The following CNTN4 variants were observed in gnomAD, a reference collection of about 807,000 sequenced individuals.
The protein encoded by CNTN4 is contactin 4, also known as contactin-4.
Under a neutral mutation model 122.5 loss-of-function variants are expected in CNTN4, and 77 were observed. The observed-to-expected ratio is 0.63, with a 90% confidence interval of 0.52 to 0.76. The LOEUF (loss-of-function observed/expected upper bound fraction) is 0.76. CNTN4 is among the 30% of genes least tolerant of loss of function. CNTN4 has a pLI of 0.00. For missense variants in CNTN4, 1,256 were observed against 1,259.1 expected, an observed-to-expected ratio of 1.00 and a Z score of 0.04; for synonymous variants, 512 against 447.0, an observed-to-expected ratio of 1.15 and a Z score of -1.83.
chr3:2,936,014 T>G (rs2094564725), intron 13 of CNTN4, among the ~76,000 whole-genome samples: 1 of 152,208 alleles, frequency 6.6e-6, no homozygotes. Context: ...GAGATAAAAC[T>G]GGGACATCTC....
At chr3:2,560,945 T>A (rs1223634289) in intron 3 of CNTN4, among the ~76,000 whole-genome samples, 1 of 152,218 alleles carries the variant, frequency 6.6e-6, no homozygotes, top group Non-Finnish European at 1.5e-5. Flanking sequence ...TGAAATCTTA[T>A]TTCTGCTTCT....
chr3:2,129,048 A>T (rs1270539287), intron 2 of CNTN4, among the ~76,000 whole-genome samples: 1 of 152,200 alleles, frequency 6.6e-6, no homozygotes, highest in African/African-American at 2.4e-5. Flanking sequence ...AATATTTGGG[A>T]AATGCTTCAT....
chr3:2,547,155 A>G (rs1215236513), intron 3 of CNTN4, among the ~76,000 whole-genome samples: 2 of 152,150 alleles, frequency 1.3e-5, no homozygotes, highest in Non-Finnish European at 2.9e-5. Flanking sequence ...AGCTGGAAGA[A>G]CATGGTATAG....
At chr3:2,706,692 A>T (rs915714168) in intron 4 of CNTN4, among the ~76,000 whole-genome samples, 3 of 152,160 alleles carry the variant, frequency 2.0e-5, no homozygotes, top group African/African-American at 7.2e-5. Context: ...GACTGGGTAG[A>T]TGGGTGCTAA....
intron 2 of CNTN4, among the ~76,000 whole-genome samples, chr3:2,128,282 A>G (rs1435679326): frequency 2.0e-5 from 3 of 152,228 alleles, no homozygotes; most frequent in Non-Finnish European, 4.4e-5. Flanking sequence ...AAACTGGCCA[A>G]AAGAAAACAC....
chr3:2,928,088 G>A (rs1351483121), intron 13 of CNTN4, among the ~76,000 whole-genome samples: 2 of 152,220 alleles, frequency 1.3e-5, no homozygotes, highest in Non-Finnish European at 2.9e-5. Flanking sequence ...CAGCCATATG[G>A]AGACACAGGT....
In CNTN4 at chr3:2,483,588, A is replaced by T. The variant is rs146728164; in HGVS notation, c.-88-87828A>T. 2.6e-5 allele frequency among the ~76,000 whole-genome samples: 4 copies of T among 152,184 alleles called. No homozygotes were observed. In the East Asian group the frequency reaches 7.8e-4, roughly 30 times the overall value. The stretch of plus-strand genomic sequence containing the variant: ...ATCCCATAATTCCCATGTGTTGTGG[A>T]AGGGACCCCTTGGGAGGTAATTGAT... On this transcript the variant is annotated intron_variant, in intron 3 of 24. Coordinates refer to ENST00000418658, the MANE Select transcript of CNTN4 (RefSeq NM_175607.3).
intron 3 of CNTN4, among the ~76,000 whole-genome samples, chr3:2,511,170 A>G (rs142422813): frequency 2.0e-3 from 307 of 152,320 alleles, no homozygotes; most frequent in African/African-American, 7.1e-3. Flanking sequence ...AACCCACCCT[A>G]TGTACCAAAC....
At chr3:2,661,809 CAAAAAAA>C (rs544079802) in intron 4 of CNTN4, among the ~76,000 whole-genome samples, 16 of 78,478 alleles carry the variant, frequency 2.0e-4, no homozygotes, top group East Asian at 4.1e-4. Flanking sequence ...AATTCCATCT[CAAAAAAA>C]AAAAAAAAAA....
chr3:2,602,374 T>C (rs1245828880), intron 4 of CNTN4, among the ~76,000 whole-genome samples: 2 of 152,218 alleles, frequency 1.3e-5, no homozygotes, highest in Non-Finnish European at 2.9e-5. Context: ...CTCTTTAAGC[T>C]GATGAAGAAC....
At chr3:2,764,038 T>C (rs966182227) in intron 6 of CNTN4, among the ~76,000 whole-genome samples, 2 of 151,788 alleles carry the variant, frequency 1.3e-5, no homozygotes, top group Non-Finnish European at 2.9e-5. Context: ...AGTGGAGGGA[T>C]ACAAAAAAAA....
In CNTN4 at chr3:2,492,705, A is replaced by G. The variant is rs867401743; in HGVS notation, c.-88-78711A>G. On this transcript the variant is annotated intron_variant, in intron 3 of 24. Transcript: ENST00000418658. ...TTTTTATTTAATCTATTTTTATGAC[A>G]CTTTGGATCCTTCTGTTTAAGAGAC... Among the ~76,000 whole-genome samples, 4 of 152,104 alleles carry G rather than the reference A, an allele frequency of 2.6e-5. No homozygotes were observed. In the South Asian group the frequency reaches 8.3e-4, roughly 31 times the overall value.
At chr3:2,900,915 T>G (rs2094165934) in intron 11 of CNTN4, 94 bp downstream of exon 11, 13 of 1,455,348 alleles carry the variant, frequency 8.9e-6, no homozygotes, top group Non-Finnish European at 1.3e-5. Flanking sequence ...GAATTGTTTC[T>G]AAAATAATAT....
At chr3:2,807,665 A>C (rs1249213057) in intron 6 of CNTN4, among the ~76,000 whole-genome samples, 1 of 152,208 alleles carries the variant, frequency 6.6e-6, no homozygotes, top group Non-Finnish European at 1.5e-5. Flanking sequence ...GATGCAAAGC[A>C]TGTCCAGTTT....
chr3:2,951,068 C>G (rs1417965882), intron 13 of CNTN4, among the ~76,000 whole-genome samples: 1 of 152,164 alleles, frequency 6.6e-6, no homozygotes, highest in East Asian at 1.9e-4. Flanking sequence ...TGGTAACCAT[C>G]TTAGAAAGGG....
intron 24 of CNTN4, among the ~76,000 whole-genome samples, chr3:3,054,482 T>A (rs1365367740): frequency 1.3e-5 from 2 of 152,254 alleles, no homozygotes; most frequent in African/African-American, 4.8e-5. Flanking sequence ...CAAGATTATC[T>A]TCACTTTCAA....
At position 3,043,146 on chromosome 3, in the gene CNTN4, T is replaced by C. The variant is rs767709540; in HGVS notation, c.2681T>C (p.Val894Ala). The C allele has an allele frequency of 1.9e-6, 3 of 1,614,156 alleles. No individual in the cohort carries two copies. The highest frequency in any genetic ancestry group is 1.7e-6 in the Non-Finnish European group (2 of 1,180,030). ...GTGPSSATVN[V>A]TTRKPPPSQP... Reference sequence around the variant, plus strand: ...GGCCCCTCTAGTGCAACAGTCAATGTGACAACCCGAAAGCCACGTAAGAAC... The same window carrying C: ...GGCCCCTCTAGTGCAACAGTCAATGCGACAACCCGAAAGCCACGTAAGAAC... Residue 894 changes from valine (V) to alanine (A), a missense_variant, in exon 22 of 25, where the codon GTG becomes GCG. By Grantham distance (64) the Val-to-Ala change is moderately conservative. Coordinates refer to ENST00000418658, the MANE Select transcript of CNTN4 (RefSeq NM_175607.3).
intron 6 of CNTN4, among the ~76,000 whole-genome samples, chr3:2,782,403 C>G (rs1003856366): frequency 1.3e-5 from 2 of 151,162 alleles, no homozygotes; most frequent in African/African-American, 4.9e-5. Context: ...AAAGAGCTTC[C>G]TAGTGGCGAT....
intron 2 of CNTN4, among the ~76,000 whole-genome samples, chr3:2,113,786 T>C (rs2033141057): frequency 6.6e-6 from 1 of 152,220 alleles, no homozygotes; most frequent in Admixed American, 6.5e-5. Flanking sequence ...GGAGGCTTTA[T>C]TGTTTGTGAA....
Sources: gnomAD v4.1 joint callset for allele counts (sites outside exome capture counted in the v4.1 genomes callset) on GRCh38, gnomAD v4.1.1 for gene constraint, MANE v1.5 for transcripts, NCBI Gene and HGNC (gene_info 2026-07-23, HGNC 2026-07-21) for gene names.